The following RAPGEF4 variants were observed in gnomAD, a reference collection of about 807,000 sequenced individuals.
The protein encoded by RAPGEF4 is Rap guanine nucleotide exchange factor 4, also known as RAP guanine-nucleotide-exchange factor (GEF) 4.
RAPGEF4 carries 66 observed loss-of-function variants against 147.9 expected under a neutral mutation model. The ratio of observed to expected loss-of-function variants is 0.45; its 90% CI spans 0.37 to 0.55. The LOEUF (loss-of-function observed/expected upper bound fraction) is 0.55, where lower values mean the gene tolerates loss of function less well. RAPGEF4 is among the 20% of genes least tolerant of loss of function. RAPGEF4 has a pLI of 0.00. For missense variants in RAPGEF4, 1,071 were observed against 1,257.3 expected (o/e 0.85, Z 2.24); for synonymous variants, 419 against 442.7 (o/e 0.95, Z 0.67).
chr2:172,896,081 C>G (rs1698443224), intron 4 of RAPGEF4, among the ~76,000 whole-genome samples: 2 of 152,154 alleles, frequency 1.3e-5, no homozygotes, highest in African/African-American at 4.8e-5. Context: ...TTACAATCTT[C>G]CATTCTTATG....
intron 23 of RAPGEF4, among the ~76,000 whole-genome samples, chr2:173,025,561 G>A (rs568615517): frequency 1.0e-3 from 158 of 152,296 alleles, no homozygotes; most frequent in Non-Finnish European, 1.6e-3. Context: ...TCCTGCCTCA[G>A]CCTCCCGAGT....
chr2:172,836,623 A>C (rs1249204997), intron 4 of RAPGEF4, among the ~76,000 whole-genome samples: 1 of 152,212 alleles, frequency 6.6e-6, no homozygotes, highest in Non-Finnish European at 1.5e-5. Flanking sequence ...AGTCATGAGA[A>C]GAGACTTGAG....
chr2:173,036,300 G>A (rs1684000885), intron 28 of RAPGEF4, 88 bp downstream of exon 28: 2 of 1,069,988 alleles, frequency 1.9e-6, no homozygotes, highest in Non-Finnish European at 2.8e-6. Context: ...GATTACTTAG[G>A]GAAGAATGAT....
At chr2:172,974,244 A>G (rs554954355) in intron 10 of RAPGEF4, among the ~76,000 whole-genome samples, 11 of 152,366 alleles carry the variant, frequency 7.2e-5, no homozygotes, top group African/African-American at 2.6e-4. Context: ...CTCAGGATTC[A>G]ACTCAGATCT....
chr2:172,752,509 A>G (rs1695391683), intron 1 of RAPGEF4, among the ~76,000 whole-genome samples: 1 of 152,234 alleles, frequency 6.6e-6, no homozygotes, highest in Non-Finnish European at 1.5e-5. Context: ...TTAGGGCACC[A>G]TATGTACATT....
chr2:173,014,387 C>G, intron 17 of RAPGEF4, 77 bp from the exon 18 acceptor site: 2 of 1,573,796 alleles, frequency 1.3e-6, no homozygotes, highest in Non-Finnish European at 1.7e-6. Context: ...AAGCTGGGAT[C>G]TGTCACTCTT....
At chr2:172,991,877 G>T (rs925683137) in intron 15 of RAPGEF4, among the ~76,000 whole-genome samples, 7 of 152,146 alleles carry the variant, frequency 4.6e-5, no homozygotes, top group Non-Finnish European at 8.8e-5. Context: ...TATTTGCAAA[G>T]AGGGCAGGAA....
In RAPGEF4 at chr2:172,818,035, G is replaced by A. The variant is rs187343809; in HGVS notation, c.444+3610G>A. On this transcript the variant is annotated intron_variant, in intron 4 of 30. Coordinates refer to ENST00000397081, the MANE Select transcript of RAPGEF4 (RefSeq NM_007023.4). ...AAGGAACAAAATCATGGCATTCACG[G>A]CAATCTGGGTGGAATTGGAGACCAT... Among the ~76,000 whole-genome samples, 95 of 150,926 alleles carry A rather than the reference G, an allele frequency of 6.3e-4. 5 individuals carry two copies. The East Asian group carries it at 0.012, about 18-fold the overall frequency.
intron 4 of RAPGEF4, among the ~76,000 whole-genome samples, chr2:172,870,138 C>T (rs1477109446): frequency 3.3e-5 from 5 of 152,176 alleles, no homozygotes; most frequent in African/African-American, 4.8e-5. Context: ...GCTGCTTTCA[C>T]CTGCAGCTTA....
intron 6 of RAPGEF4, among the ~76,000 whole-genome samples, chr2:172,930,402 C>T (rs1685796046): frequency 6.6e-6 from 1 of 152,054 alleles, no homozygotes; most frequent in Non-Finnish European, 1.5e-5. Context: ...AAAATCATGC[C>T]TTCTTTTTTA....
chr2:172,975,662 TG>T (rs1389123820), intron 10 of RAPGEF4, among the ~76,000 whole-genome samples: 1 of 152,266 alleles, frequency 6.6e-6, no homozygotes, highest in African/African-American at 2.4e-5. Flanking sequence ...TCTATGTCCC[TG>T]ATTAATTAAG....
intron 4 of RAPGEF4, among the ~76,000 whole-genome samples, chr2:172,823,120 GC>G (rs1689262762): frequency 6.6e-6 from 1 of 152,176 alleles, no homozygotes; most frequent in African/African-American, 2.4e-5. Flanking sequence ...TCCACCAAGG[GC>G]CTCGTTTCAT....
chr2:172,974,654 G>T (rs1018919269), intron 10 of RAPGEF4, among the ~76,000 whole-genome samples: 3 of 152,166 alleles, frequency 2.0e-5, no homozygotes, highest in African/African-American at 7.2e-5. Context: ...CTGCTCTCCA[G>T]CCTGGGCAAC....
At chr2:172,961,357 T>C in intron 8 of RAPGEF4, 129 bp downstream of exon 8, 1 of 688,494 alleles carries the variant, frequency 1.5e-6, no homozygotes. Flanking sequence ...TTCTGGAAGG[T>C]TAGGCTTGTC....
chr2:173,001,392 C>A (rs1291857116), intron 17 of RAPGEF4, 48 bp downstream of exon 17: 1 of 1,610,724 alleles, frequency 6.2e-7, no homozygotes, highest in Non-Finnish European at 8.5e-7. Context: ...GAAGACAACC[C>A]CCCCTATCGA....
At chr2:172,765,417 A>T (rs1377458229) in intron 1 of RAPGEF4, among the ~76,000 whole-genome samples, 2 of 152,174 alleles carry the variant, frequency 1.3e-5, no homozygotes, top group Non-Finnish European at 2.9e-5. Flanking sequence ...CATTTTCCTA[A>T]ACTATTTTGA....
chr2:172,955,632 A>C (rs1181460576), intron 6 of RAPGEF4, among the ~76,000 whole-genome samples: 1 of 152,144 alleles, frequency 6.6e-6, no homozygotes, highest in Non-Finnish European at 1.5e-5. Context: ...TTCATTGGAG[A>C]GGGGTCCATG....
At chr2:172,895,267 G>A (rs770129470) in intron 4 of RAPGEF4, among the ~76,000 whole-genome samples, 7 of 152,108 alleles carry the variant, frequency 4.6e-5, no homozygotes, top group Non-Finnish European at 7.4e-5. Flanking sequence ...AAAGGCATGT[G>A]GCATCCTACT....
chr2:172,974,202 C>T (rs979256563), intron 10 of RAPGEF4, among the ~76,000 whole-genome samples: 27 of 152,182 alleles, frequency 1.8e-4, no homozygotes, highest in African/African-American at 5.3e-4. Context: ...TAGGCTGAGT[C>T]ACTTGCCTAT....
Sources: allele counts gnomAD v4.1 joint callset (sites outside exome capture counted in the v4.1 genomes callset), GRCh38; gene constraint gnomAD v4.1.1; transcripts MANE v1.5; gene names NCBI Gene and HGNC (gene_info 2026-07-23, HGNC 2026-07-21).